The following ADGRV1 variants were observed in gnomAD, a reference collection of about 807,000 sequenced individuals.
ADGRV1 encodes the protein G-protein coupled receptor 98.
In ADGRV1, 359 loss-of-function variants were observed where a neutral mutation model predicts 596.2. That is an observed-to-expected ratio of 0.60 (90% CI 0.55 to 0.66). The LOEUF is 0.66. Ranked by LOEUF, ADGRV1 falls within the 30% of genes least tolerant of loss-of-function variation. The probability of loss-of-function intolerance (pLI) is 0.00; values close to 1 mark genes in which losing one functional copy is unlikely to be tolerated. For missense variants in ADGRV1, 7,274 were observed against 7,575.6 expected (o/e 0.96, Z 1.48); for synonymous variants, 2,681 against 2,679.2 (o/e 1.00, Z -0.02).
At chr5:90,855,249 A>T (rs896450892) in intron 81 of ADGRV1, among the ~76,000 whole-genome samples, 4 of 152,214 alleles carry the variant, frequency 2.6e-5, no homozygotes, top group African/African-American at 9.6e-5. Flanking sequence ...AAACATACAC[A>T]TAAGTCACTC....
intron 38 of ADGRV1, among the ~76,000 whole-genome samples, chr5:90,708,155 T>C (rs1217922611): frequency 6.6e-6 from 1 of 152,208 alleles, no homozygotes; most frequent in African/African-American, 2.4e-5. Context: ...GATGGCTGGC[T>C]GATCACTCTT....
chr5:91,025,818 A>C (rs1456763743), intron 85 of ADGRV1, among the ~76,000 whole-genome samples: 1 of 152,184 alleles, frequency 6.6e-6, no homozygotes, highest in Non-Finnish European at 1.5e-5. Context: ...CACTGTGATC[A>C]ATCCAGAAAC....
chr5:90,825,054 A>T (rs1581242460), intron 76 of ADGRV1, among the ~76,000 whole-genome samples: 1 of 152,122 alleles, frequency 6.6e-6, no homozygotes, highest in East Asian at 1.9e-4. Context: ...CTCATGCCTC[A>T]GCCTCCTGAG....
Position 90,684,093 on chromosome 5 carries a change from A to T in ADGRV1, c.6172A>T (p.Ile2058Leu). The change falls in exon 28 of 90, where the codon ATA becomes TTA. Residue 2058 changes from isoleucine (I) to leucine (L), a missense_variant. This residue lies in a region of ADGRV1 where 3,643 missense variants were observed against 3,809.2 expected (regional missense o/e 0.96). Coordinates refer to ENST00000405460, the MANE Select transcript of ADGRV1 (RefSeq NM_032119.4). ...LFGANQSEAT[I>L]AISILDDDEP... ...TGGAGCTAATCAGAGTGAGGCAACA[A>T]TAGCTATTTCAATTTTGGATGATGA... 1.2e-6 allele frequency: 2 copies of T among 1,613,938 alleles called. No individual in the cohort carries two copies. Among genetic ancestry groups the T allele is most frequent in the Non-Finnish European group, 1.7e-6 (2 of 1,179,864 alleles).
chr5:90,982,938 A>T (rs1780201577), intron 84 of ADGRV1, among the ~76,000 whole-genome samples: 1 of 152,206 alleles, frequency 6.6e-6, no homozygotes, highest in African/African-American at 2.4e-5. Context: ...ATAAAATTCA[A>T]GTAAAACTTG....
rs888159304 is a variant in ADGRV1 at position 90,681,544 on chromosome 5, T to C, written c.5664+90T>C. The C allele has an allele frequency of 2.1e-5, 28 of 1,302,988 alleles. No homozygotes were observed. The African/African-American group carries it at 4.0e-4, about 19-fold the overall frequency. 80.7% of individuals were successfully genotyped at this position (1,302,988 alleles called of 1,614,324 possible). A position where few individuals can be genotyped will look rare whatever the true frequency, so the allele number is the denominator to read the frequency against. ...TGAAAGTGTGTTTTATGCTTTCCTT[T>C]TTTTGTGTAGGCTGAGGGGAATGAG... On this transcript the variant is annotated intron_variant, in intron 27 of 89. Coordinates refer to ENST00000405460, the MANE Select transcript of ADGRV1 (RefSeq NM_032119.4).
chr5:90,974,087 C>T (rs888513165), intron 84 of ADGRV1, among the ~76,000 whole-genome samples: 2 of 152,120 alleles, frequency 1.3e-5, no homozygotes, highest in Non-Finnish European at 2.9e-5. Context: ...CATGAGTGAA[C>T]TCCCATTCAC....
intron 79 of ADGRV1, among the ~76,000 whole-genome samples, chr5:90,852,518 T>C (rs1188805716): frequency 6.6e-6 from 1 of 152,174 alleles, no homozygotes; most frequent in Non-Finnish European, 1.5e-5. Context: ...GCCAACAGGA[T>C]GCATCTGATT....
intron 75 of ADGRV1, among the ~76,000 whole-genome samples, chr5:90,818,391 T>C (rs1439538233): frequency 2.0e-5 from 3 of 150,058 alleles, no homozygotes; most frequent in Non-Finnish European, 4.5e-5. Flanking sequence ...CTTTTCCTAA[T>C]TGAATACCCT....
chr5:90,932,207 A>T (rs2150811189), intron 83 of ADGRV1, among the ~76,000 whole-genome samples: 1 of 152,300 alleles, frequency 6.6e-6, no homozygotes, highest in African/African-American at 2.4e-5. Flanking sequence ...TTTTTTCATT[A>T]GTGGTATGAT....
At chr5:90,915,873 C>T (rs1163824904) in intron 83 of ADGRV1, among the ~76,000 whole-genome samples, 1 of 152,200 alleles carries the variant, frequency 6.6e-6, no homozygotes, top group Non-Finnish European at 1.5e-5. Flanking sequence ...CACTGAGACT[C>T]TAATGGTAAG....
intron 83 of ADGRV1, among the ~76,000 whole-genome samples, chr5:90,946,036 G>A (rs147651882): frequency 2.0e-3 from 303 of 152,202 alleles, no homozygotes; most frequent in Non-Finnish European, 3.4e-3. Context: ...TATACAATAA[G>A]AAGTAATACA....
rs1773087812 is a variant in ADGRV1, at chr5:90,675,420, C to A, written c.5288C>A (p.Thr1763Lys). ...GCGGAATTTAGAACAGTGTCCTTGACAGCATTCAGTCCTGAGGATTACCAG... is the reference window on the plus strand; with the variant it reads ...GCGGAATTTAGAACAGTGTCCTTGAAAGCATTCAGTCCTGAGGATTACCAG... ...VTAEFRTVSL[T>K]AFSPEDYQNV... The change falls in exon 24 of 90, where the codon ACA becomes AAA. Residue 1763 changes from threonine (T) to lysine (K), a missense_variant. By Grantham distance (78) the Thr-to-Lys change is moderately conservative. Transcript: ENST00000405460. 1.9e-6 allele frequency: 3 copies of A among 1,613,638 alleles called. No individual in the cohort carries two copies. Among genetic ancestry groups the A allele is most frequent in the African/African-American group, 1.3e-5 (1 of 75,030 alleles).
In ADGRV1 at chr5:90,712,541, G is replaced by A. The variant is rs576650545; in HGVS notation, c.9184+113G>A. 113 of 804,774 alleles carry A rather than the reference G, an allele frequency of 1.4e-4. 2 individuals carry two copies. In the South Asian group the frequency reaches 2.0e-3, roughly 14 times the overall value. 49.9% of individuals were successfully genotyped at this position (804,774 alleles called of 1,614,324 possible). ...TGGTGGTTTTCTGTGCTTAAAATGA[G>A]AATGATTTTAAGTTAGAGCATTTCA... On this transcript the variant is annotated intron_variant, in intron 42 of 89. Coordinates refer to ENST00000405460, the MANE Select transcript of ADGRV1 (RefSeq NM_032119.4).
intron 48 of ADGRV1, 42 bp downstream of exon 48, chr5:90,725,698 CTTTT>C: frequency 9.8e-7 from 1 of 1,016,660 alleles, no homozygotes; most frequent in Non-Finnish European, 1.5e-6. Context: ...TTTTGCTTTT[CTTTT>C]TAACATTATA....
chr5:90,587,121 A>G (rs1424060983), intron 1 of ADGRV1, among the ~76,000 whole-genome samples: 1 of 152,142 alleles, frequency 6.6e-6, no homozygotes, highest in African/African-American at 2.4e-5. Flanking sequence ...ATGGATTTAT[A>G]TATTCCACGT....
intron 44 of ADGRV1, 83 bp downstream of exon 44, chr5:90,720,306 A>G: frequency 3.4e-6 from 3 of 886,620 alleles, no homozygotes; most frequent in Non-Finnish European, 5.0e-6. Flanking sequence ...GCAGAAGGAA[A>G]TTGATATCTG....
chr5:90,681,550 T>C (rs1744933201), intron 27 of ADGRV1, 96 bp downstream of exon 27: 1 of 1,251,676 alleles, frequency 8.0e-7, no homozygotes. Context: ...CCTTTTTTTG[T>C]GTAGGCTGAG....
In ADGRV1 at chr5:90,778,955, G is replaced by C. The variant is rs1389992598; in HGVS notation, c.12940G>C (p.Asp4314His). Residue 4314 changes from aspartate to histidine, a missense_variant, in exon 64 of 90, where the codon GAT (aspartate) becomes CAT (histidine). Physicochemically the swap from Asp to His is moderately conservative, Grantham distance 81. Coordinates refer to ENST00000405460, the MANE Select transcript of ADGRV1 (RefSeq NM_032119.4). ...GAGCGGGACAGCGGAAGCAGGCTTGGATTTTGTTCCTGCAGCAGGGGAGCT... is the reference window on the plus strand; with the variant it reads ...GAGCGGGACAGCGGAAGCAGGCTTGCATTTTGTTCCTGCAGCAGGGGAGCT... The part of the protein sequence containing the change: ...TMSGTAEAGL[D>H]FVPAAGELLF... 2 of 1,613,530 alleles carry C rather than the reference G, an allele frequency of 1.2e-6. No homozygotes were observed. The highest frequency in any genetic ancestry group is 1.7e-6 in the Non-Finnish European group (2 of 1,179,580).
Sources: gnomAD v4.1 joint callset for allele counts (sites outside exome capture counted in the v4.1 genomes callset) on GRCh38, gnomAD v4.1.1 for gene constraint, gnomAD v4.1.1 regional missense constraint, MANE v1.5 for transcripts, NCBI Gene and HGNC (gene_info 2026-07-23, HGNC 2026-07-21) for gene names.